Variants in PTK2 observed in about 807,000 individuals in gnomAD.
The protein encoded by PTK2 is focal adhesion kinase 1.
PTK2 carries 45 observed loss-of-function variants against 150.1 expected under a neutral mutation model. That is an observed-to-expected ratio of 0.30 (90% confidence interval 0.24 to 0.38). The LOEUF (loss-of-function observed/expected upper bound fraction) is 0.38. PTK2 is among the 10% of genes least tolerant of loss of function. The pLI, the probability that PTK2 is intolerant of heterozygous loss-of-function variation, is 1.00. For missense variants in PTK2, 919 were observed against 1,307.3 expected, an observed-to-expected ratio of 0.70 and a Z score of 4.58; for synonymous variants, 432 against 449.2, an observed-to-expected ratio of 0.96 and a Z score of 0.48.
intron 23 of PTK2, among the ~76,000 whole-genome samples, chr8:140,716,452 G>GT (rs1358986405): frequency 6.6e-6 from 1 of 152,168 alleles, no homozygotes; most frequent in Non-Finnish European, 1.5e-5. Flanking sequence ...CTCGTTCAAT[G>GT]TAACATCCAT....
In PTK2 at chr8:140,915,004, G is replaced by C. The variant is rs532226204; in HGVS notation, c.-33+10657C>G. On this transcript the variant is annotated intron_variant, in intron 2 of 31. Transcript: ENST00000522684. ...GCCGAGATCACGCCATTGCACTCCA[G>C]CCTGGGCAACAAGAACGAAACTCCA... Among the ~76,000 whole-genome samples, 14 of 125,764 alleles carry C rather than the reference G, an allele frequency of 1.1e-4. No homozygotes were observed. The South Asian group carries it at 3.6e-3, about 33-fold the overall frequency. 82.5% of individuals were successfully genotyped at this position (125,764 alleles called of 152,430 possible).
intron 1 of PTK2, among the ~76,000 whole-genome samples, chr8:140,982,237 T>C (rs1054752671): frequency 3.3e-5 from 5 of 152,220 alleles, no homozygotes; most frequent in African/African-American, 9.6e-5. Flanking sequence ...CCCCACCGCC[T>C]TGCTTAGCTC....
rs1374664125 is a variant in PTK2 at position 140,981,056 on chromosome 8, A to G, written c.-122+20069T>C. Among the ~76,000 whole-genome samples, 4 of 150,288 alleles carry G rather than the reference A, an allele frequency of 2.7e-5. No individual in the cohort carries two copies. The South Asian group carries it at 8.5e-4, about 32-fold the overall frequency. ...ATTACAGGCATGAGCCACCGCACCCAGCCTCTAAAGCTTTTTAATAAACTT... is the reference window on the plus strand; with the variant it reads ...ATTACAGGCATGAGCCACCGCACCCGGCCTCTAAAGCTTTTTAATAAACTT... On this transcript the variant is annotated intron_variant, in intron 1 of 31. Coordinates refer to ENST00000522684, the Ensembl canonical transcript of PTK2.
At chr8:140,858,309 A>G (rs2100133984) in intron 5 of PTK2, among the ~76,000 whole-genome samples, 1 of 152,052 alleles carries the variant, frequency 6.6e-6, no homozygotes, top group Non-Finnish European at 1.5e-5. Flanking sequence ...AAGAAATAAC[A>G]AAAAACTAAG....
intron 5 of PTK2, among the ~76,000 whole-genome samples, chr8:140,858,675 T>C (rs1462819975): frequency 6.6e-6 from 1 of 152,076 alleles, no homozygotes; most frequent in Non-Finnish European, 1.5e-5. Context: ...ATACTATTTT[T>C]CAAGCAGGAG....
rs533575017 is a variant in PTK2 at position 140,670,438 on chromosome 8, C to CA, written c.2710-2015dup. ...TGCCACTGTACTCCAGCCTGGGTGA[C>CA]AGAGCGACACTGTGTCTCAAAAAAA... On this transcript the variant is annotated intron_variant, in intron 29 of 31. Transcript: ENST00000522684. 2.6e-3 allele frequency among the ~76,000 whole-genome samples: 279 copies of CA among 108,402 alleles called. 2 individuals are homozygous for CA. Among genetic ancestry groups the CA allele is most frequent in the African/African-American group, 9.7e-3 (264 of 27,156 alleles). The allele number at this position is 108,402 out of a possible 152,430, so 71.1% of individuals were successfully genotyped here.
At chr8:140,764,169 T>C in intron 15 of PTK2, 65 bp downstream of exon 17, 2 of 1,313,052 alleles carry the variant, frequency 1.5e-6, no homozygotes, top group Non-Finnish European at 2.2e-6. Context: ...TAAGTATCAA[T>C]AACTTTTAAA....
At chr8:140,917,920 CCA>C (rs779804167) in intron 2 of PTK2, among the ~76,000 whole-genome samples, 1 of 152,098 alleles carries the variant, frequency 6.6e-6, no homozygotes, top group Non-Finnish European at 1.5e-5. Flanking sequence ...AGTGAGATTC[CCA>C]CAGTAATTTT....
chr8:140,770,257 T>C (rs114633518), intron 14 of PTK2, among the ~76,000 whole-genome samples: 1 of 152,222 alleles, frequency 6.6e-6, no homozygotes, highest in Non-Finnish European at 1.5e-5. Flanking sequence ...ATGCTCCAAA[T>C]GGCATAGCTG....
At chr8:140,702,472 G>T in intron 25 of PTK2, 98 bp downstream of exon 28, 1 of 1,424,818 alleles carries the variant, frequency 7.0e-7, no homozygotes, top group African/African-American at 1.4e-5. Flanking sequence ...TCCTACTTCA[G>T]CCTCCCAAAA....
chr8:140,963,873 G>A (rs1231729347), intron 1 of PTK2, among the ~76,000 whole-genome samples: 1 of 152,084 alleles, frequency 6.6e-6, no homozygotes, highest in Non-Finnish European at 1.5e-5. Context: ...GGGGGTTAGG[G>A]GGTTAAGAGG....
chr8:140,806,894 C>G (rs2100098449), intron 10 of PTK2, among the ~76,000 whole-genome samples: 1 of 152,200 alleles, frequency 6.6e-6, no homozygotes, highest in African/African-American at 2.4e-5. Flanking sequence ...GCACTGCCCA[C>G]CTACTCTAAA....
chr8:140,776,929 A>C (rs1418875670), intron 14 of PTK2, among the ~76,000 whole-genome samples: 1 of 152,230 alleles, frequency 6.6e-6, no homozygotes, highest in Non-Finnish European at 1.5e-5. Context: ...AAGTAGGAAG[A>C]ATATGGTATT....
At chr8:140,709,152 A>G (rs11166995) in intron 23 of PTK2, among the ~76,000 whole-genome samples, 66,594 of 151,860 alleles carry the variant, frequency 0.44, 15,557 homozygotes, top group Non-Finnish European at 0.54. Flanking sequence ...GTGGAACTGC[A>G]TGACTCCAAA....
At chr8:140,902,938 T>TG (rs1568516064) in intron 2 of PTK2, among the ~76,000 whole-genome samples, 7 of 137,022 alleles carry the variant, frequency 5.1e-5, no homozygotes, top group African/African-American at 1.1e-4. Flanking sequence ...TTTTTTTTTT[T>TG]TTTTTTTTTT....
At chr8:140,679,000 CATG>C (rs1320434199) in intron 27 of PTK2, among the ~76,000 whole-genome samples, 1 of 120,196 alleles carries the variant, frequency 8.3e-6, no homozygotes, top group Non-Finnish European at 1.7e-5. Context: ...GAGTGCTCCC[CATG>C]TTTTTTTTTT....
At chr8:140,889,340 C>T (rs540803351) in intron 3 of PTK2, among the ~76,000 whole-genome samples, 133 of 152,306 alleles carry the variant, frequency 8.7e-4, no homozygotes, top group African/African-American at 3.2e-3. Context: ...AGTGTTTCTC[C>T]TGTCTCAGCC....
At chr8:140,812,267 T>C (rs1230546713) in intron 10 of PTK2, among the ~76,000 whole-genome samples, 2 of 152,148 alleles carry the variant, frequency 1.3e-5, no homozygotes, top group African/African-American at 4.8e-5. Flanking sequence ...CTGGAAGAAA[T>C]TCCAACCTGA....
rs566482325 is a variant in PTK2, at chr8:140,682,742, A to G, written c.2562+3890T>C. On this transcript the variant is annotated intron_variant, in intron 27 of 31. Transcript: ENST00000522684. Reference sequence around the variant, plus strand: ...GTTCAAAACCATATGATTACGTGGAAATTAACCTGCTCCTGAATGACTTCT... The same window carrying G: ...GTTCAAAACCATATGATTACGTGGAGATTAACCTGCTCCTGAATGACTTCT... Among the ~76,000 whole-genome samples, 7 of 152,306 alleles carry G rather than the reference A, an allele frequency of 4.6e-5. No homozygotes were observed. The East Asian group carries it at 1.4e-3, about 29-fold the overall frequency.
Sources: allele counts gnomAD v4.1 joint callset (sites outside exome capture counted in the v4.1 genomes callset), GRCh38; gene constraint gnomAD v4.1.1; transcripts MANE v1.5; gene names NCBI Gene and HGNC (gene_info 2026-07-23, HGNC 2026-07-21).